MPHOSPH9: variants seen among roughly 807,000 people sequenced by gnomAD.
MPHOSPH9 encodes M-phase phosphoprotein 9.
A neutral mutation model predicts 145.5 loss-of-function variants in MPHOSPH9; 88 were observed. That is an observed-to-expected ratio of 0.60 (90% confidence interval 0.51 to 0.72). The LOEUF (loss-of-function observed/expected upper bound fraction) is 0.72, where lower values mean the gene tolerates loss of function less well. Among genes scored for constraint, MPHOSPH9 ranks in the 30% least tolerant of loss-of-function variants. The pLI, the probability that MPHOSPH9 is intolerant of heterozygous loss-of-function variation, is 0.00. For synonymous variants in MPHOSPH9, 435 were observed against 486.2 expected (o/e 0.89, Z 1.39); for missense variants, 1,238 against 1,386.6 (o/e 0.89, Z 1.70).
intron 13 of MPHOSPH9, among the ~76,000 whole-genome samples, chr12:123,185,896 A>G (rs2045421253): frequency 6.6e-6 from 1 of 152,238 alleles, no homozygotes; most frequent in Middle Eastern, 3.4e-3. Flanking sequence ...TATTATATCA[A>G]TGTTAAATTT....
At chr12:123,198,359 A>G in intron 11 of MPHOSPH9, 25 bp from the exon 12 acceptor site, 1 of 1,553,550 alleles carries the variant, frequency 6.4e-7, no homozygotes, top group Non-Finnish European at 8.8e-7. Flanking sequence ...TTTAGCTTCA[A>G]TTAGAAGATA....
At chr12:123,182,785 G>A (rs1298411092) in intron 13 of MPHOSPH9, among the ~76,000 whole-genome samples, 2 of 150,476 alleles carry the variant, frequency 1.3e-5, no homozygotes, top group Non-Finnish European at 3.0e-5. Flanking sequence ...GTGGTGGCGC[G>A]TGCCTGTAAT....
At position 123,203,020 on chromosome 12, in the gene MPHOSPH9, T is replaced by G; in HGVS notation, c.1385A>C (p.His462Pro). Residue 462 changes from histidine to proline, a missense_variant, in exon 10 of 24, where the codon CAC becomes CCC. His to Pro is a moderately conservative substitution (Grantham distance 77, BLOSUM62 -2). Coordinates refer to ENST00000606320, the MANE Select transcript of MPHOSPH9 (RefSeq NM_022782.4). ...PKQQISGIQP[H>P]GLPNALDDRI... ...GTCATCAAGGGCATTCGGAAGGCCG[T>G]GAGGTTGAATCCCTGAAATCTGCTG... The G allele has an allele frequency of 6.2e-7, 1 of 1,614,212 alleles. No homozygotes were observed. The highest frequency in any genetic ancestry group is 8.5e-7 in the Non-Finnish European group (1 of 1,180,046).
chr12:123,202,283 G>T lies in MPHOSPH9; in HGVS notation c.1818C>A (p.His606Gln). The T allele has an allele frequency of 6.2e-7, 1 of 1,610,956 alleles. No homozygotes were observed. The highest frequency in any genetic ancestry group is 8.5e-7 in the Non-Finnish European group (1 of 1,179,322). ...CATAATAAGCTCGAAGATCTGCTATGTGTCGAGCATGCTTTTCCTTCAGAT... is the reference window on the plus strand; with the variant it reads ...CATAATAAGCTCGAAGATCTGCTATTTGTCGAGCATGCTTTTCCTTCAGAT... ...RQNLKEKHARHIADLRAYYES... is the reference protein window; with the variant it reads ...RQNLKEKHARQIADLRAYYES... Residue 606 changes from histidine (H) to glutamine (Q), a missense_variant, in exon 11 of 24, where the codon CAC (histidine) becomes CAA (glutamine). Around this residue, in one of 3 missense-constraint regions of MPHOSPH9, gnomAD observed 837 missense variants for 897.5 expected, o/e 0.93. Transcript: ENST00000606320.
At chr12:123,170,562 G>A (rs1001865115) in intron 16 of MPHOSPH9, among the ~76,000 whole-genome samples, 9 of 152,006 alleles carry the variant, frequency 5.9e-5, no homozygotes, top group South Asian at 2.1e-4. Context: ...AATTATAGAC[G>A]TGAGCCACCA....
intron 16 of MPHOSPH9, among the ~76,000 whole-genome samples, chr12:123,168,033 TC>T (rs1383625616): frequency 1.3e-5 from 2 of 152,134 alleles, no homozygotes; most frequent in African/African-American, 4.8e-5. Context: ...CTATTCTGCC[TC>T]CCGCCCTCAA....
intron 7 of MPHOSPH9, among the ~76,000 whole-genome samples, chr12:123,212,716 A>C (rs1378143299): frequency 6.7e-6 from 1 of 149,266 alleles, no homozygotes; most frequent in Admixed American, 6.7e-5. Context: ...TGTCTCAAAA[A>C]AAAAAAAAAA....
At chr12:123,168,977 T>C (rs1448957169) in intron 16 of MPHOSPH9, among the ~76,000 whole-genome samples, 2 of 151,586 alleles carry the variant, frequency 1.3e-5, no homozygotes, top group African/African-American at 2.4e-5. Flanking sequence ...CTCTGCCTCT[T>C]GGGTTCACAC....
At chr12:123,169,188 A>G (rs1423564777) in intron 16 of MPHOSPH9, among the ~76,000 whole-genome samples, 1 of 147,850 alleles carries the variant, frequency 6.8e-6, no homozygotes, top group Non-Finnish European at 1.5e-5. Flanking sequence ...CGCCCGGCCC[A>G]GTTTTTAAAT....
chr12:123,217,206 T>A (rs1450273378), intron 6 of MPHOSPH9, among the ~76,000 whole-genome samples: 6 of 142,744 alleles, frequency 4.2e-5, no homozygotes, highest in Non-Finnish European at 7.7e-5. Flanking sequence ...AATTTCAACC[T>A]TTTTTTTTTT....
At chr12:123,213,985 C>T (rs1244085385) in intron 7 of MPHOSPH9, among the ~76,000 whole-genome samples, 2 of 151,686 alleles carry the variant, frequency 1.3e-5, no homozygotes, top group Non-Finnish European at 2.9e-5. Flanking sequence ...AGAAGTGGTG[C>T]GATTCTAGAA....
chr12:123,203,171 G>A, intron 9 of MPHOSPH9, 79 bp downstream of exon 9: 1 of 1,591,404 alleles, frequency 6.3e-7, no homozygotes, highest in African/African-American at 1.4e-5. Context: ...AGATCTCCTA[G>A]GGAAAATGAA....
At chr12:123,166,069 C>T (rs569275230) in intron 17 of MPHOSPH9, among the ~76,000 whole-genome samples, 104 of 152,282 alleles carry the variant, frequency 6.8e-4, no homozygotes, top group African/African-American at 2.4e-3. Context: ...GCTCGGGGCT[C>T]GGGCTGGCCA....
intron 8 of MPHOSPH9, among the ~76,000 whole-genome samples, chr12:123,207,097 A>AAAGGTTTAAAG (rs2138410770): frequency 6.6e-6 from 1 of 151,590 alleles, no homozygotes; most frequent in South Asian, 2.1e-4. Context: ...ACCTATGTTT[A>AAAGGTTTAAAG]AGTCTAAAGA....
At position 123,206,511 on chromosome 12, in the gene MPHOSPH9, GGAGAAGAGAAGAGAAGAGAT is replaced by G. The variant is rs1170451591; in HGVS notation, c.1195-3156_1195-3137del. On this transcript the variant is annotated intron_variant, in intron 8 of 23. Transcript: ENST00000606320. ...GGAGAAGAGAAGAGAGGAGAGGAGA[GGAGAAGAGAAGAGAAGAGAT>G]GAGAAGAGAAGAGTATAACACTCTG... Among the ~76,000 whole-genome samples, 700 of 87,918 alleles carry G rather than the reference GGAGAAGAGAAGAGAAGAGAT, an allele frequency of 8.0e-3. 16 individuals are homozygous for G. The highest frequency in any genetic ancestry group is 0.071 in the Admixed American group (586 of 8,226). The allele number at this position is 87,918 out of a possible 152,430, so 57.7% of individuals were successfully genotyped here.
intron 3 of MPHOSPH9, among the ~76,000 whole-genome samples, chr12:123,224,330 T>C (rs998622089): frequency 2.0e-5 from 3 of 151,892 alleles, no homozygotes; most frequent in African/African-American, 7.3e-5. Context: ...GAGACGGGGT[T>C]TCACCATGTT....
intron 4 of MPHOSPH9, among the ~76,000 whole-genome samples, chr12:123,222,616 T>C (rs2047253247): frequency 6.6e-6 from 1 of 152,110 alleles, no homozygotes; most frequent in Non-Finnish European, 1.5e-5. Flanking sequence ...ACCGTGCCAT[T>C]GCACTCCAGC....
At chr12:123,173,546 C>A (rs1462372410) in intron 16 of MPHOSPH9, among the ~76,000 whole-genome samples, 1 of 152,114 alleles carries the variant, frequency 6.6e-6, no homozygotes, top group African/African-American at 2.4e-5. Context: ...AACAGAAAGG[C>A]CTTGCTGGGT....
intron 12 of MPHOSPH9, among the ~76,000 whole-genome samples, chr12:123,195,860 C>T (rs1425552814): frequency 5.3e-5 from 8 of 151,274 alleles, no homozygotes; most frequent in South Asian, 2.1e-4. Flanking sequence ...GGCGACATAG[C>T]GTGTCTCAAC....
Sources: allele counts gnomAD v4.1 joint callset (sites outside exome capture counted in the v4.1 genomes callset), GRCh38; gene constraint gnomAD v4.1.1; regional missense constraint gnomAD v4.1.1; transcripts MANE v1.5; gene names NCBI Gene and HGNC (gene_info 2026-07-23, HGNC 2026-07-21).